FNTA: variants seen among roughly 807,000 people sequenced by gnomAD.
FNTA encodes farnesyltransferase, CAAX box, subunit alpha.
Under a neutral mutation model 55.2 loss-of-function variants are expected in FNTA, and 27 were observed. The observed-to-expected ratio is 0.49, with a 90% CI of 0.36 to 0.67. The LOEUF is 0.67. Among genes scored for constraint, FNTA ranks in the 30% least tolerant of loss-of-function variants. The pLI is 0.00. For synonymous variants in FNTA, 176 were observed against 170.7 expected, an observed-to-expected ratio of 1.03 and a Z score of -0.24; for missense variants, 422 against 464.7, an observed-to-expected ratio of 0.91 and a Z score of 0.85.
intron 2 of FNTA, among the ~76,000 whole-genome samples, chr8:43,062,653 G>A (rs1452186600): frequency 6.6e-6 from 1 of 152,166 alleles, no homozygotes; most frequent in Non-Finnish European, 1.5e-5. Context: ...AGGAGTAATT[G>A]TTCATATTCG....
chr8:43,085,557 C>T lies in FNTA; in HGVS notation c.*275C>T. ...GTCTTATCAACATATAATCTAATCC[C>T]TTAGCATCAGCTCCTCCCTCAGTGG... On this transcript the variant is annotated 3_prime_UTR_variant, in exon 9 of 9. Coordinates refer to ENST00000302279, the MANE Select transcript of FNTA (RefSeq NM_002027.3). 2.6e-6 allele frequency: 1 copy of T among 380,992 alleles called. No homozygotes were observed. 23.6% of individuals were successfully genotyped at this position (380,992 alleles called of 1,614,324 possible).
intron 2 of FNTA, 81 bp from the exon 3 acceptor site, chr8:43,064,014 ATATCTT>A (rs1405853558): frequency 4.8e-6 from 4 of 826,810 alleles, no homozygotes; most frequent in Admixed American, 2.3e-5. Flanking sequence ...GGCCAATAAA[ATATCTT>A]TATAGGTATA....
chr8:43,077,443 C>A, intron 6 of FNTA, 79 bp downstream of exon 6: 2 of 1,142,408 alleles, frequency 1.8e-6, no homozygotes, highest in Non-Finnish European at 2.5e-6. Context: ...GGGGATACAG[C>A]AGATCAAGAT....
chr8:43,085,039 C>T (rs932830773), intron 8 of FNTA, 121 bp from the exon 9 acceptor site: 23 of 1,121,916 alleles, frequency 2.1e-5, no homozygotes, highest in African/African-American at 1.6e-4. Flanking sequence ...GCAACACAGC[C>T]GGTGACTCTT....
intron 3 of FNTA, 57 bp downstream of exon 3, chr8:43,064,272 T>C: frequency 1.8e-6 from 2 of 1,127,476 alleles, no homozygotes; most frequent in Non-Finnish European, 2.6e-6. Flanking sequence ...CAAGTGGCTT[T>C]TCTTTTTTTA....
At chr8:43,060,785 A>G (rs1458740963) in intron 2 of FNTA, among the ~76,000 whole-genome samples, 1 of 152,208 alleles carries the variant, frequency 6.6e-6, no homozygotes, top group Admixed American at 6.5e-5. Flanking sequence ...CAAATATATC[A>G]ATTTAAAACT....
At chr8:43,072,902 A>AT (rs1469568064) in intron 5 of FNTA, among the ~76,000 whole-genome samples, 5 of 152,180 alleles carry the variant, frequency 3.3e-5, no homozygotes, top group Non-Finnish European at 7.3e-5. Context: ...CAGATGTATT[A>AT]TTTTAACTAA....
chr8:43,078,912 G>T (rs1006187789), intron 6 of FNTA: 1 of 152,240 alleles, frequency 6.6e-6, no homozygotes, highest in African/African-American at 2.4e-5. Context: ...CATTATTGCT[G>T]GTATAGAGAA....
In FNTA at chr8:43,069,643, A is replaced by C. The variant is rs1223288289; in HGVS notation, c.490A>C (p.Lys164Gln). 3 of 1,608,162 alleles carry C rather than the reference A, an allele frequency of 1.9e-6. No homozygotes were observed. The highest frequency in any genetic ancestry group is 2.6e-6 in the Non-Finnish European group (3 of 1,175,166). Residue 164 changes from lysine to glutamine, a missense_variant, in exon 4 of 9, where the codon AAA becomes CAA. Physicochemically the swap from Lys to Gln is moderately conservative, Grantham distance 53 (BLOSUM62 1). Coordinates refer to ENST00000302279, the MANE Select transcript of FNTA (RefSeq NM_002027.3). ...YITAIIEEQP[K>Q]NYQVWHHRRV... is the part of the protein sequence containing the mutation. ...CACTGCAATAATTGAGGAGCAGCCCAAAAACTATCAAGTTTGGTAAGTTTG... is the reference window on the plus strand; with the variant it reads ...CACTGCAATAATTGAGGAGCAGCCCCAAAACTATCAAGTTTGGTAAGTTTG...
At chr8:43,062,179 G>A (rs1009015266) in intron 2 of FNTA, among the ~76,000 whole-genome samples, 8 of 145,294 alleles carry the variant, frequency 5.5e-5, no homozygotes, top group South Asian at 2.1e-4. Flanking sequence ...TTTTATGTGT[G>A]TGTGTGTGTG....
At chr8:43,072,503 A>C (rs1810815320) in intron 5 of FNTA, among the ~76,000 whole-genome samples, 196 bp downstream of exon 5, 1 of 152,140 alleles carries the variant, frequency 6.6e-6, no homozygotes, top group Admixed American at 6.5e-5. Context: ...AGGCAGGAGG[A>C]TTGAGTGAGG....
At chr8:43,069,144 C>T (rs1317922406) in intron 3 of FNTA, among the ~76,000 whole-genome samples, 3 of 151,010 alleles carry the variant, frequency 2.0e-5, no homozygotes, top group African/African-American at 7.3e-5. Context: ...TGGATGGAGT[C>T]TCCCTCTGTT....
rs1318458710 is a variant in FNTA, at chr8:43,077,381, A to G, written c.782+17A>G. 1.9e-6 allele frequency: 3 copies of G among 1,592,970 alleles called. No individual in the cohort carries two copies. In the Admixed American group the frequency reaches 5.2e-5, roughly 27 times the overall value. ...AGAAGTCCAGTTAGTAATCTCCTTC[A>G]CTTGCTCATTCGTTACAAACATGTT... is the stretch of plus-strand genomic sequence containing the variant. On this transcript the variant is annotated intron_variant, in intron 6 of 8. Transcript: ENST00000302279.
chr8:43,085,475 A>C lies in FNTA; in HGVS notation c.*193A>C. On this transcript the variant is annotated 3_prime_UTR_variant, in exon 9 of 9. Transcript: ENST00000302279. ...TAGCTCTAAGTAATGTGATTCTTCT[A>C]AAGCAAAGTCATTGGATGGGAGGAG... 2 of 553,752 alleles carry C rather than the reference A, an allele frequency of 3.6e-6. No homozygotes were observed. The highest frequency in any genetic ancestry group is 6.3e-6 in the Non-Finnish European group (2 of 316,596). 34.3% of individuals were successfully genotyped at this position (553,752 alleles called of 1,614,324 possible).
At chr8:43,063,565 TA>T (rs1810586280) in intron 2 of FNTA, among the ~76,000 whole-genome samples, 1 of 152,134 alleles carries the variant, frequency 6.6e-6, no homozygotes. Flanking sequence ...CTCGTTTGCA[TA>T]AAAATGAAGG....
intron 5 of FNTA, chr8:43,073,626 G>A (rs369977047): frequency 1.3e-5 from 2 of 151,800 alleles, no homozygotes; most frequent in Non-Finnish European, 2.9e-5. Context: ...TCTGGTCTTC[G>A]TGGTTTAAGA....
chr8:43,064,832 A>T (rs1171257409), intron 3 of FNTA, among the ~76,000 whole-genome samples: 4 of 149,348 alleles, frequency 2.7e-5, no homozygotes, highest in Admixed American at 6.7e-5. Context: ...TTTATTTTAT[A>T]TTTTTACTTT....
chr8:43,083,097 A>G, intron 6 of FNTA, 21 bp from the exon 7 acceptor site: 2 of 1,326,562 alleles, frequency 1.5e-6, no homozygotes, highest in South Asian at 1.3e-5. Flanking sequence ...TTAAAATTGT[A>G]TATATATATT....
chr8:43,059,093 G>C lies in FNTA; in HGVS notation c.202G>C (p.Asp68His). 6.2e-7 allele frequency: 1 copy of C among 1,612,482 alleles called. No individual in the cohort carries two copies. Among genetic ancestry groups the C allele is most frequent in the Non-Finnish European group, 8.5e-7 (1 of 1,179,232 alleles). ...LDSPSYVLYRDRAEWADIDPV... is the reference protein window; with the variant it reads ...LDSPSYVLYRHRAEWADIDPV... The stretch of plus-strand genomic sequence containing the variant: ...TGGTTGGGGAATGTCTGTTTTCAGG[G>C]ACAGAGCAGAATGGGCTGATATAGA... The change falls in exon 2 of 9, where the codon GAC becomes CAC. Residue 68 changes from aspartate to histidine, a missense_variant and splice_region_variant. Asp to His is a moderately conservative substitution (Grantham distance 81). Around this residue, in one of 2 missense-constraint regions of FNTA, gnomAD observed 160 missense variants for 121.6 expected, o/e 1.32. Transcript: ENST00000302279.
Sources: allele counts gnomAD v4.1 joint callset (sites outside exome capture counted in the v4.1 genomes callset), GRCh38; gene constraint gnomAD v4.1.1; regional missense constraint gnomAD v4.1.1; transcripts MANE v1.5; gene names NCBI Gene and HGNC (gene_info 2026-07-23, HGNC 2026-07-21).